Variants in NFX1 observed in about 807,000 individuals in gnomAD.
NFX1 encodes the protein nuclear transcription factor, X-box binding 1.
In NFX1, 69 loss-of-function variants were observed where a neutral mutation model predicts 137.2. The observed-to-expected ratio is 0.50, with a 90% CI of 0.41 to 0.61. NFX1 has a LOEUF of 0.61. Among genes scored for constraint, NFX1 ranks in the 20% least tolerant of loss-of-function variants. The probability of loss-of-function intolerance (pLI) is 0.00; values close to 1 mark genes in which losing one functional copy is unlikely to be tolerated. For missense variants in NFX1, 1,167 were observed against 1,391.0 expected, an observed-to-expected ratio of 0.84 and a Z score of 2.56; for synonymous variants, 495 against 474.1, an observed-to-expected ratio of 1.04 and a Z score of -0.57.
intron 1 of NFX1, 97 bp downstream of exon 1, chr9:33,290,694 G>A: frequency 8.3e-7 from 1 of 1,200,288 alleles, no homozygotes; most frequent in Non-Finnish European, 1.2e-6. Flanking sequence ...TATCGCGAGA[G>A]TAGCACATGC....
chr9:33,295,580 C>T (rs923603539), intron 2 of NFX1, among the ~76,000 whole-genome samples, 153 bp downstream of exon 2: 1 of 152,238 alleles, frequency 6.6e-6, no homozygotes, highest in Non-Finnish European at 1.5e-5. Context: ...AGTTCTACCA[C>T]CACTCGCTGC....
intron 11 of NFX1, among the ~76,000 whole-genome samples, chr9:33,334,358 G>A (rs1822920862): frequency 6.6e-6 from 1 of 152,188 alleles, no homozygotes; most frequent in East Asian, 1.9e-4. Context: ...TCGGGAGGCT[G>A]AGGCAGAGGA....
intron 19 of NFX1, among the ~76,000 whole-genome samples, chr9:33,361,242 A>G (rs1414764679): frequency 6.6e-6 from 1 of 152,230 alleles, no homozygotes; most frequent in Non-Finnish European, 1.5e-5. Flanking sequence ...TGTGAAAACA[A>G]AATAATAATA....
chr9:33,332,814 A>G (rs1176755631), intron 11 of NFX1, among the ~76,000 whole-genome samples: 2 of 152,222 alleles, frequency 1.3e-5, no homozygotes, highest in Non-Finnish European at 2.9e-5. Context: ...AGATATGGGC[A>G]TATGGATGTT....
chr9:33,325,192 A>G (rs1355866403), intron 9 of NFX1, among the ~76,000 whole-genome samples: 1 of 152,196 alleles, frequency 6.6e-6, no homozygotes, highest in Non-Finnish European at 1.5e-5. Context: ...ATCTAGACAT[A>G]TAATAAAAAT....
At chr9:33,354,824 T>C (rs1823758266) in intron 18 of NFX1, 27 bp from the exon 19 acceptor site, 2 of 1,608,752 alleles carry the variant, frequency 1.2e-6, no homozygotes, top group Middle Eastern at 1.7e-4. Flanking sequence ...TATTCTGACT[T>C]TAATTTTTTT....
At chr9:33,291,377 A>C (rs1187188040) in intron 1 of NFX1, among the ~76,000 whole-genome samples, 1 of 152,238 alleles carries the variant, frequency 6.6e-6, no homozygotes, top group African/African-American at 2.4e-5. Flanking sequence ...TTTTACAATC[A>C]GCAATATATT....
intron 1 of NFX1, 126 bp downstream of exon 1, chr9:33,290,723 C>A: frequency 1.1e-6 from 1 of 896,654 alleles, no homozygotes; most frequent in Non-Finnish European, 1.7e-6. Flanking sequence ...AGGATAGTGG[C>A]TCGGAAGGGC....
intron 15 of NFX1, among the ~76,000 whole-genome samples, chr9:33,348,942 T>G (rs1823535842): frequency 6.6e-6 from 1 of 152,240 alleles, no homozygotes; most frequent in Non-Finnish European, 1.5e-5. Flanking sequence ...TGGCCAACAT[T>G]TCATGAAACT....
chr9:33,367,498 GTTTTGAC>G lies in NFX1; in HGVS notation c.3186-12_3186-6del. On this transcript the variant is annotated splice_polypyrimidine_tract_variant and intron_variant, in intron 22 of 23. Transcript: ENST00000379540. ...CAATTCTCACTTTTCAATGCTTGGT[GTTTTGAC>G]TTTTATCAGGGGGAAGTCCGTTTGT... 6.2e-7 allele frequency: 1 copy of G among 1,612,456 alleles called. No homozygotes were observed. The highest frequency in any genetic ancestry group is 8.5e-7 in the Non-Finnish European group (1 of 1,178,808).
intron 2 of NFX1, among the ~76,000 whole-genome samples, chr9:33,296,466 A>G (rs989165266): frequency 6.6e-6 from 1 of 152,186 alleles, no homozygotes; most frequent in Non-Finnish European, 1.5e-5. Context: ...GGTGGCTCAC[A>G]CCTGTAATTC....
At chr9:33,306,909 A>T (rs941073175) in intron 4 of NFX1, among the ~76,000 whole-genome samples, 2 of 152,188 alleles carry the variant, frequency 1.3e-5, no homozygotes, top group Admixed American at 1.3e-4. Context: ...ATTTATCTTA[A>T]ATTAAACGTT....
intron 4 of NFX1, among the ~76,000 whole-genome samples, chr9:33,305,563 A>T (rs1389941180): frequency 2.0e-5 from 3 of 152,212 alleles, no homozygotes; most frequent in Non-Finnish European, 4.4e-5. Context: ...TATGGAGATT[A>T]GTTTGGTAGC....
At chr9:33,309,563 G>T (rs998114991) in intron 5 of NFX1, among the ~76,000 whole-genome samples, 7 of 152,118 alleles carry the variant, frequency 4.6e-5, no homozygotes, top group African/African-American at 1.7e-4. Flanking sequence ...GACCATAGAA[G>T]CCCATTCCCC....
intron 11 of NFX1, among the ~76,000 whole-genome samples, chr9:33,333,140 C>T (rs554812829): frequency 8.5e-5 from 13 of 152,228 alleles, no homozygotes; most frequent in East Asian, 5.8e-4. Context: ...GTCACCACAC[C>T]GGCCTCGATT....
rs1824284136 is a variant in NFX1, at chr9:33,370,093, G to A, written c.*115G>A. On this transcript the variant is annotated 3_prime_UTR_variant, in exon 24 of 24. Transcript: ENST00000379540. Reference sequence around the variant, plus strand: ...TGGCAGAATCACAGTCTCACATACTGTCTTGTACTGACACATCCAAAGCAT... The same window carrying A: ...TGGCAGAATCACAGTCTCACATACTATCTTGTACTGACACATCCAAAGCAT... 1 of 732,190 alleles carries A rather than the reference G, an allele frequency of 1.4e-6. No individual in the cohort carries two copies. Among genetic ancestry groups the A allele is most frequent in the Admixed American group, 2.5e-5 (1 of 39,732 alleles). 45.4% of individuals were successfully genotyped at this position (732,190 alleles called of 1,614,324 possible). A position where few individuals can be genotyped will look rare whatever the true frequency, so the allele number is the denominator to read the frequency against.
At chr9:33,304,299 C>G (rs1328949700) in intron 4 of NFX1, among the ~76,000 whole-genome samples, 4 of 152,132 alleles carry the variant, frequency 2.6e-5, no homozygotes, top group Admixed American at 1.3e-4. Flanking sequence ...AAAGAAATCA[C>G]CAATGACTCC....
rs141450310 is a variant in NFX1, at chr9:33,300,731, C to T, written c.1034-532C>T. 2.6e-5 allele frequency among the ~76,000 whole-genome samples: 4 copies of T among 152,302 alleles called. No homozygotes were observed. The East Asian group carries it at 7.7e-4, about 29-fold the overall frequency. ...CAGGGACTGTAACACCACCATGGGGCTTATGGTAGGCACCAAGAATATCTT... is the reference window on the plus strand; with the variant it reads ...CAGGGACTGTAACACCACCATGGGGTTTATGGTAGGCACCAAGAATATCTT... On this transcript the variant is annotated intron_variant, in intron 2 of 23. Transcript: ENST00000379540.
intron 3 of NFX1, among the ~76,000 whole-genome samples, chr9:33,302,360 T>A (rs1036988313): frequency 2.6e-4 from 32 of 122,112 alleles, no homozygotes; most frequent in African/African-American, 9.2e-4. Context: ...TAACTGTATT[T>A]TTTTTTTTTT....
Sources: allele counts gnomAD v4.1 joint callset (sites outside exome capture counted in the v4.1 genomes callset), GRCh38; gene constraint gnomAD v4.1.1; transcripts MANE v1.5; gene names NCBI Gene and HGNC (gene_info 2026-07-23, HGNC 2026-07-21).